Variants in PCDHGA4 observed in about 807,000 individuals in gnomAD.
PCDHGA4 encodes protocadherin gamma-A4.
In PCDHGA4, 38 loss-of-function variants were observed where a neutral mutation model predicts 54.6. The observed-to-expected ratio is 0.70, with a 90% CI of 0.54 to 0.91. The LOEUF (loss-of-function observed/expected upper bound fraction) is 0.91, where lower values mean the gene tolerates loss of function less well. Among genes scored for constraint, PCDHGA4 ranks in the 40% least tolerant of loss-of-function variants. The pLI, the probability that PCDHGA4 is intolerant of heterozygous loss-of-function variation, is 0.00. For missense variants in PCDHGA4, 1,298 were observed against 1,220.9 expected (o/e 1.06, Z -0.94); for synonymous variants, 511 against 512.9 (o/e 1.00, Z 0.05).
chr5:141,431,879 C>T lies in PCDHGA4; in HGVS notation c.2515-62928C>T. 1 of 1,614,162 alleles carries T rather than the reference C, an allele frequency of 6.2e-7. No individual in the cohort carries two copies. The highest frequency in any genetic ancestry group is 8.5e-7 in the Non-Finnish European group (1 of 1,179,970). ...AATTGCCCTTTTAAATGTAAATGAC[C>T]AAGATTCTGAGGAAAACGGACAGGT... On this transcript the variant is annotated intron_variant, in intron 1 of 3. Coordinates refer to ENST00000571252, the MANE Select transcript of PCDHGA4 (RefSeq NM_018917.4). The surrounding 1 kb of genome is among the most constrained non-coding windows in gnomAD (Gnocchi z 4.8).
chr5:141,357,358 C>G lies in PCDHGA4; in HGVS notation c.2251C>G (p.His751Asp). The G allele has an allele frequency of 6.2e-7, 1 of 1,614,172 alleles. No homozygotes were observed. The highest frequency in any genetic ancestry group is 8.5e-7 in the Non-Finnish European group (1 of 1,179,978). Residue 751 changes from histidine (H) to aspartate (D), a missense_variant, in exon 1 of 4, where the codon CAC becomes GAC. Physicochemically the swap from His to Asp is moderately conservative, Grantham distance 81. Coordinates refer to ENST00000571252, the MANE Select transcript of PCDHGA4 (RefSeq NM_018917.4). ...VLLALKLRRW[H>D]KSRLLHAEGS... The stretch of plus-strand genomic sequence containing the variant: ...GCTAGCACTCAAGCTGAGACGCTGG[C>G]ACAAGTCACGCCTGCTTCACGCTGA...
intron 1 of PCDHGA4, chr5:141,366,095 A>T: frequency 1.2e-6 from 2 of 1,614,228 alleles, no homozygotes; most frequent in African/African-American, 1.3e-5. Context: ...CTACCTGGTG[A>T]CCAAGGTGGT....
intron 1 of PCDHGA4, chr5:141,386,080 T>C (rs752371819): frequency 1.3e-5 from 2 of 152,248 alleles, no homozygotes; most frequent in Non-Finnish European, 2.9e-5. Flanking sequence ...GTTTTAGTGG[T>C]ACAGCCAGAT....
intron 1 of PCDHGA4, chr5:141,382,643 A>G (rs1179734699): frequency 2.5e-6 from 1 of 392,566 alleles, no homozygotes; most frequent in Non-Finnish European, 4.5e-6. Flanking sequence ...TGGTGCAGTA[A>G]CTTAGTAAGG....
intron 1 of PCDHGA4, among the ~76,000 whole-genome samples, chr5:141,463,542 G>A (rs1376087953): frequency 7.1e-6 from 1 of 141,810 alleles, no homozygotes; most frequent in African/African-American, 2.6e-5. Context: ...TCCGGCTCCC[G>A]GGTTCATGCC....
At chr5:141,505,261 T>C in intron 2 of PCDHGA4, 132 bp from the exon 3 acceptor site, 1 of 1,505,282 alleles carries the variant, frequency 6.6e-7, no homozygotes. Context: ...GCCTCCTACC[T>C]TGCTGAGAGA....
chr5:141,417,111 G>A (rs1014827063), intron 1 of PCDHGA4: 13 of 152,012 alleles, frequency 8.6e-5, no homozygotes, highest in African/African-American at 2.7e-4. Context: ...AAGCAATACA[G>A]GACACCCTGG....
chr5:141,370,558 G>A (rs1191020056), intron 1 of PCDHGA4: 3 of 1,613,818 alleles, frequency 1.9e-6, no homozygotes, highest in Admixed American at 3.3e-5. Flanking sequence ...AAGGACCTGG[G>A]GTTTGGCGTG....
intron 1 of PCDHGA4, among the ~76,000 whole-genome samples, chr5:141,456,538 A>T (rs1010588747): frequency 7.2e-5 from 11 of 152,184 alleles, no homozygotes; most frequent in Admixed American, 3.3e-4. Context: ...TTAAAGAGGG[A>T]TTGTAGCCAC....
Position 141,409,527 on chromosome 5 carries a change from T to A in PCDHGA4, c.2514+51906T>A. 1 of 1,613,970 alleles carries A rather than the reference T, an allele frequency of 6.2e-7. No homozygotes were observed. Among genetic ancestry groups the A allele is most frequent in the South Asian group, 1.1e-5 (1 of 91,084 alleles). ...TCCAGTAGAAGCATCACCTTGTATGTCGCTGACATCAACGACAACGCCCCA... is the reference window on the plus strand; with the variant it reads ...TCCAGTAGAAGCATCACCTTGTATGACGCTGACATCAACGACAACGCCCCA... On this transcript the variant is annotated intron_variant, in intron 1 of 3. Coordinates refer to ENST00000571252, the MANE Select transcript of PCDHGA4 (RefSeq NM_018917.4).
intron 1 of PCDHGA4, chr5:141,409,419 CAGAT>C (rs1303289792): frequency 3.1e-6 from 5 of 1,614,028 alleles, no homozygotes; most frequent in Non-Finnish European, 3.4e-6. Context: ...AAACTGGTGA[CAGAT>C]GGAGCCCTGG....
intron 2 of PCDHGA4, among the ~76,000 whole-genome samples, chr5:141,502,107 C>T (rs1292131951): frequency 6.6e-6 from 1 of 152,192 alleles, no homozygotes; most frequent in East Asian, 1.9e-4. Context: ...TGACCCTGCA[C>T]CCTCAGCCAG....
chr5:141,397,512 A>G (rs1043730091), intron 1 of PCDHGA4, among the ~76,000 whole-genome samples: 1 of 152,242 alleles, frequency 6.6e-6, no homozygotes, highest in Non-Finnish European at 1.5e-5. Context: ...AATTGTTTCC[A>G]TAGCTAATAA....
rs1230717990 is a variant in PCDHGA4, at chr5:141,431,707, G to A, written c.2515-63100G>A. The A allele has an allele frequency of 6.2e-7, 1 of 1,614,232 alleles. No homozygotes were observed. Among genetic ancestry groups the A allele is most frequent in the South Asian group, 1.1e-5 (1 of 91,088 alleles). On this transcript the variant is annotated intron_variant, in intron 1 of 3. Coordinates refer to ENST00000571252, the MANE Select transcript of PCDHGA4 (RefSeq NM_018917.4). This position sits in a 1 kb window ranked among gnomAD's most constrained non-coding sequence, Gnocchi z 4.8. ...ACCACGAGGAGTCAGGATTCTACCAGATGGAAGTGCAAGCAATGGATAATG... is the reference window on the plus strand; with the variant it reads ...ACCACGAGGAGTCAGGATTCTACCAAATGGAAGTGCAAGCAATGGATAATG...
In PCDHGA4 at chr5:141,486,043, A is replaced by G. The variant is rs1193580610; in HGVS notation, c.2515-8764A>G. 6.2e-7 allele frequency: 1 copy of G among 1,614,050 alleles called. No homozygotes were observed. Among genetic ancestry groups the G allele is most frequent in the African/African-American group, 1.3e-5 (1 of 74,918 alleles). ...GTGGTCATACCCCTGATCGTGTAAG[A>G]AACCTCTTTAGCCTGCACCCCACTA... On this transcript the variant is annotated intron_variant, in intron 1 of 3. Transcript: ENST00000571252. This position sits in a 1 kb window ranked among gnomAD's most constrained non-coding sequence, Gnocchi z 5.0.
chr5:141,403,324 T>C (rs769971532), intron 1 of PCDHGA4: 9 of 1,613,974 alleles, frequency 5.6e-6, no homozygotes, highest in Non-Finnish European at 6.8e-6. Context: ...TAGAAGTAAC[T>C]GATATTAACG....
intron 1 of PCDHGA4, chr5:141,417,742 G>A: frequency 7.0e-7 from 1 of 1,418,808 alleles, no homozygotes. Flanking sequence ...CAGCACACCA[G>A]ATTGCCAGCT....
At chr5:141,453,464 C>A (rs186131587) in intron 1 of PCDHGA4, among the ~76,000 whole-genome samples, 16 of 152,090 alleles carry the variant, frequency 1.1e-4, no homozygotes, top group Non-Finnish European at 1.9e-4. Flanking sequence ...AAAACATTAA[C>A]ATAAAGTCAA....
At chr5:141,409,104 T>C in intron 1 of PCDHGA4, 3 of 1,613,960 alleles carry the variant, frequency 1.9e-6, no homozygotes, top group Non-Finnish European at 2.5e-6. Context: ...ACAGGTATGA[T>C]TAAGAATAAC....
Sources: gnomAD v4.1 joint callset for allele counts (sites outside exome capture counted in the v4.1 genomes callset) on GRCh38, gnomAD v4.1.1 for gene constraint, Gnocchi (gnomAD v3.1) non-coding constraint, MANE v1.5 for transcripts, NCBI Gene and HGNC (gene_info 2026-07-23, HGNC 2026-07-21) for gene names.